Variants in GUSB observed in about 807,000 individuals in gnomAD.
GUSB encodes glucuronidase beta, also known as beta-glucuronidase.
In GUSB, 51 loss-of-function variants were observed where a neutral mutation model predicts 74.6. The ratio of observed to expected loss-of-function variants is 0.68; its 90% CI spans 0.55 to 0.86. The LOEUF (loss-of-function observed/expected upper bound fraction) is 0.86, where lower values mean the gene tolerates loss of function less well. Among genes scored for constraint, GUSB ranks in the 40% least tolerant of loss-of-function variants. The probability of loss-of-function intolerance (pLI) is 0.00; values close to 1 mark genes in which losing one functional copy is unlikely to be tolerated. For missense variants in GUSB, 736 were observed against 853.7 expected (o/e 0.86, Z 1.72); for synonymous variants, 360 against 348.3 (o/e 1.03, Z -0.37).
intron 5 of GUSB, 163 bp downstream of exon 5, chr7:65,975,852 A>C (rs1297337444): frequency 2.0e-6 from 1 of 491,512 alleles, no homozygotes; most frequent in Non-Finnish European, 3.6e-6. Flanking sequence ...CCATCTCAAA[A>C]AAAAAAAAAA....
chr7:65,967,556 G>C (rs770302273), intron 10 of GUSB, among the ~76,000 whole-genome samples, 175 bp downstream of exon 10: 1 of 152,208 alleles, frequency 6.6e-6, no homozygotes, highest in Admixed American at 6.5e-5. Flanking sequence ...TGAGGACCAA[G>C]TGAGTGGGGC....
At chr7:65,971,050 C>A (rs567863804) in intron 8 of GUSB, among the ~76,000 whole-genome samples, 5 of 152,128 alleles carry the variant, frequency 3.3e-5, no homozygotes, top group African/African-American at 1.2e-4. Context: ...ATCCTATACC[C>A]CCAGAGGAGC....
Position 65,960,985 on chromosome 7 carries a change from C to T in GUSB, c.1868G>A (p.Arg623Gln), listed in dbSNP as rs1198693940. 4 of 1,613,500 alleles carry T rather than the reference C, an allele frequency of 2.5e-6. No homozygotes were observed. The highest frequency in any genetic ancestry group is 2.7e-5 in the African/African-American group (2 of 74,850). Residue 623 changes from arginine (R) to glutamine (Q), a missense_variant, in exon 12 of 12, where the codon CGA (arginine) becomes CAA (glutamine). Transcript: ENST00000304895. ...RQPKSAAFLL[R>Q]ERYWKIANET... ...ATTGGCAATCTTCCAGTATCTCTCT[C>T]GCAAAAGGAACGCTGCACTTTTTGG...
intron 8 of GUSB, among the ~76,000 whole-genome samples, chr7:65,972,831 G>A (rs1279420632): frequency 1.3e-5 from 2 of 152,120 alleles, no homozygotes; most frequent in African/African-American, 4.8e-5. Flanking sequence ...GCACACCCCT[G>A]TGCCCCCAAG....
intron 8 of GUSB, among the ~76,000 whole-genome samples, chr7:65,971,714 A>C (rs978164051): frequency 3.3e-5 from 5 of 151,978 alleles, no homozygotes; most frequent in Admixed American, 2.0e-4. Flanking sequence ...CCTGGGCAAC[A>C]AGCAAGACTC....
At chr7:65,970,606 A>C (rs1284360775) in intron 8 of GUSB, among the ~76,000 whole-genome samples, 1 of 151,994 alleles carries the variant, frequency 6.6e-6, no homozygotes, top group Non-Finnish European at 1.5e-5. Flanking sequence ...AAATACAAAA[A>C]TTAGCGGCCA....
At chr7:65,966,267 G>C (rs1481169439) in intron 10 of GUSB, among the ~76,000 whole-genome samples, 5 of 152,194 alleles carry the variant, frequency 3.3e-5, no homozygotes, top group Non-Finnish European at 7.3e-5. Flanking sequence ...CTAGTTTGCA[G>C]AAGTGGCATT....
Position 65,976,196 on chromosome 7 carries a change from A to C in GUSB, c.731T>G (p.Val244Gly). The change falls in exon 5 of 12, where the codon GTG (valine) becomes GGG (glycine). Residue 244 changes from valine to glycine, a missense_variant. Coordinates refer to ENST00000304895, the MANE Select transcript of GUSB (RefSeq NM_000181.4). Reference sequence around the variant, plus strand: ...GCCCTTGACAGAGATCTGGTAATTCACCAGCCCTGCAAGAAACAAGAGAGA... The same window carrying C: ...GCCCTTGACAGAGATCTGGTAATTCCCCAGCCCTGCAAGAAACAAGAGAGA... ...TTSVEQDSGLVNYQISVKGSN... is the reference protein window; with the variant it reads ...TTSVEQDSGLGNYQISVKGSN... The C allele has an allele frequency of 6.2e-7, 1 of 1,611,316 alleles. No individual in the cohort carries two copies. Among genetic ancestry groups the C allele is most frequent in the Non-Finnish European group, 8.5e-7 (1 of 1,178,836 alleles).
In GUSB at chr7:65,976,069, G is replaced by A. The variant is rs1437056857; in HGVS notation, c.858C>T (p.Ser286=). The A allele has an allele frequency of 1.2e-6, 2 of 1,613,796 alleles. No individual in the cohort carries two copies. The highest frequency in any genetic ancestry group is 2.7e-5 in the African/African-American group (2 of 74,910). ...TQGQLKVPGV[S]LWWPYLMHER... is the part of the protein sequence containing the mutation. ...CGTGCATCAGGTACGGCCACCAGAG[G>A]CTGACACCTGGCACCTTAAGTTGGC... Residue 286 remains serine (S), a synonymous_variant, in exon 5 of 12, where the codon AGC becomes AGT. Transcript: ENST00000304895.
In GUSB at chr7:65,960,906, C is replaced by T. The variant is rs774336516; in HGVS notation, c.1947G>A (p.Leu649=). 29 of 1,613,586 alleles carry T rather than the reference C, an allele frequency of 1.8e-5. No homozygotes were observed. Among genetic ancestry groups the T allele is most frequent in the Non-Finnish European group, 2.5e-5 (29 of 1,179,684 alleles). The change falls in exon 12 of 12, where the codon CTG becomes CTA. Residue 649 remains leucine, a synonymous_variant. Transcript: ENST00000304895. ...VAKSQCLENS[L]FT is the part of the protein sequence containing the mutation. ...GTGGTATCAGTCTTGCTCAAGTAAA[C>T]AGGCTGTTTTCCAAACATTGTGACT...
chr7:65,960,856 G>T lies in GUSB; in HGVS notation c.*41C>A. On this transcript the variant is annotated 3_prime_UTR_variant, in exon 12 of 12. Transcript: ENST00000304895. The stretch of plus-strand genomic sequence containing the variant: ...GTTCTGCTGCTGTGGAAGTCGCCCT[G>T]ACTCGGGGAGGAAGGGACACGCAGG... 2 of 1,571,740 alleles carry T rather than the reference G, an allele frequency of 1.3e-6. No individual in the cohort carries two copies. Among genetic ancestry groups the T allele is most frequent in the South Asian group, 1.1e-5 (1 of 90,082 alleles).
intron 11 of GUSB, 57 bp from the exon 12 acceptor site, chr7:65,961,120 T>A (rs1375601359): frequency 6.6e-7 from 1 of 1,521,172 alleles, no homozygotes; most frequent in Non-Finnish European, 9.1e-7. Flanking sequence ...TGGGTCAAGT[T>A]AGAACCAGTC....
chr7:65,980,519 G>T, intron 1 of GUSB, 110 bp from the exon 2 acceptor site: 1 of 985,798 alleles, frequency 1.0e-6, no homozygotes, highest in East Asian at 2.6e-5. Context: ...ACATAGCGGG[G>T]ATTCTTGGCA....
Position 65,979,892 on chromosome 7 carries a change from G to A in GUSB, c.416C>T (p.Thr139Met), listed in dbSNP as rs780835314. Residue 139 changes from threonine to methionine, a missense_variant, in exon 3 of 12, where the codon ACG becomes ATG. Around this residue, in one of 2 missense-constraint regions of GUSB, gnomAD observed 368 missense variants for 363.8 expected, o/e 1.01. Transcript: ENST00000304895. ...GAGGTAGCCCCCCTCATGCTCTAGC[G>A]TGTCGACCCCATTCACCCACTGCAG... ...YAIVWVNGVD[T>M]LEHEGGYLPF... 32 of 1,605,358 alleles carry A rather than the reference G, an allele frequency of 2.0e-5. No homozygotes were observed. Among genetic ancestry groups the A allele is most frequent in the African/African-American group, 9.3e-5 (7 of 74,900 alleles).
At position 65,982,071 on chromosome 7, in the gene GUSB, C is replaced by T. The variant is rs1184702324; in HGVS notation, c.113G>A (p.Cys38Tyr). 1.2e-6 allele frequency: 2 copies of T among 1,608,772 alleles called. No homozygotes were observed. Among genetic ancestry groups the T allele is most frequent in the Non-Finnish European group, 1.7e-6 (2 of 1,178,418 alleles). Residue 38 changes from cysteine (C) to tyrosine (Y), a missense_variant, in exon 1 of 12, where the codon TGC (cysteine) becomes TAC (tyrosine). Transcript: ENST00000304895. The part of the protein sequence containing the change: ...LYPQESPSRE[C>Y]KELDGLWSFR... ...GCTCCAGAGGCCGTCCAGCTCCTTGCACTCCCGCGACGGGCTCTCCTGGGG... is the reference window on the plus strand; with the variant it reads ...GCTCCAGAGGCCGTCCAGCTCCTTGTACTCCCGCGACGGGCTCTCCTGGGG...
rs1423322372 is a variant in GUSB, at chr7:65,974,312, A to G, written c.1374T>C (p.Ser458=). The change falls in exon 8 of 12, where the codon TCT becomes TCC. Residue 458 remains serine, a synonymous_variant. Coordinates refer to ENST00000304895, the MANE Select transcript of GUSB (RefSeq NM_000181.4). The stretch of plus-strand genomic sequence containing the variant: ...GCACTCACTTCAAGTAGTAGCCAGC[A>G]GATTCTAGGTGGGACGCAGGCTCGT... ...VANEPASHLE[S]AGYYLKMVIA... The G allele has an allele frequency of 1.2e-6, 2 of 1,614,004 alleles. No individual in the cohort carries two copies. The highest frequency in any genetic ancestry group is 2.2e-5 in the South Asian group (2 of 91,052).
intron 5 of GUSB, chr7:65,975,706 C>A: frequency 3.7e-6 from 1 of 271,826 alleles, no homozygotes; most frequent in Non-Finnish European, 7.0e-6. Flanking sequence ...TTTTATTTAG[C>A]CAGACATGGT....
intron 5 of GUSB, 157 bp from the exon 6 acceptor site, chr7:65,975,228 C>A (rs542439576): frequency 1.2e-4 from 80 of 683,046 alleles, no homozygotes; most frequent in Admixed American, 1.7e-4. Context: ...CCTGGCTGAC[C>A]CTGGGAACCT....
At chr7:65,970,624 T>G (rs980705943) in intron 8 of GUSB, among the ~76,000 whole-genome samples, 3 of 152,100 alleles carry the variant, frequency 2.0e-5, no homozygotes, top group African/African-American at 7.2e-5. Flanking sequence ...CCAGGCGCAG[T>G]GGCTCACGCC....
Sources: gnomAD v4.1 joint callset for allele counts (sites outside exome capture counted in the v4.1 genomes callset) on GRCh38, gnomAD v4.1.1 for gene constraint, gnomAD v4.1.1 regional missense constraint, MANE v1.5 for transcripts, NCBI Gene and HGNC (gene_info 2026-07-23, HGNC 2026-07-21) for gene names.